Variants in MTUS2 observed in about 807,000 individuals in gnomAD.
The protein encoded by MTUS2 is microtubule-associated tumor suppressor candidate 2.
In MTUS2, 40 loss-of-function variants were observed where a neutral mutation model predicts 114.1. That is an observed-to-expected ratio of 0.35 (90% CI 0.27 to 0.46). The LOEUF (loss-of-function observed/expected upper bound fraction) is 0.46, where lower values mean the gene tolerates loss of function less well. Ranked by LOEUF, MTUS2 falls within the 20% of genes least tolerant of loss-of-function variation. The pLI is 1.00. For synonymous variants in MTUS2, 688 were observed against 672.0 expected, an observed-to-expected ratio of 1.02 and a Z score of -0.37; for missense variants, 1,679 against 1,705.4, an observed-to-expected ratio of 0.98 and a Z score of 0.27.
chr13:29,147,798 C>T (rs375595755), intron 5 of MTUS2, among the ~76,000 whole-genome samples: 8 of 152,268 alleles, frequency 5.3e-5, no homozygotes, highest in Non-Finnish European at 7.4e-5. Flanking sequence ...CATAGTACTC[C>T]GTGGAGAATA....
chr13:29,160,589 C>T (rs1893052075), intron 5 of MTUS2, among the ~76,000 whole-genome samples: 3 of 151,948 alleles, frequency 2.0e-5, no homozygotes, highest in African/African-American at 7.3e-5. Context: ...GCTAACATGG[C>T]AAAACCCTGT....
chr13:29,216,561 A>G (rs1895690262), intron 5 of MTUS2, among the ~76,000 whole-genome samples: 1 of 152,196 alleles, frequency 6.6e-6, no homozygotes, highest in African/African-American at 2.4e-5. Flanking sequence ...GGAAAAGGAT[A>G]GTATCTGGGC....
At chr13:29,114,614 TG>T (rs1891011576) in intron 5 of MTUS2, among the ~76,000 whole-genome samples, 1 of 152,014 alleles carries the variant, frequency 6.6e-6, no homozygotes, top group Non-Finnish European at 1.5e-5. Flanking sequence ...GGAAGGGAAG[TG>T]AGGGGCTTGA....
intron 5 of MTUS2, among the ~76,000 whole-genome samples, chr13:29,224,786 T>TC (rs60971455): frequency 0.54 from 82,381 of 151,902 alleles, 22,639 homozygotes; most frequent in Non-Finnish European, 0.56. Context: ...TTTCTCTTTT[T>TC]CCCACAATAT....
At chr13:28,940,141 A>G (rs765568549) in intron 2 of MTUS2, among the ~76,000 whole-genome samples, 1 of 152,188 alleles carries the variant, frequency 6.6e-6, no homozygotes, top group Non-Finnish European at 1.5e-5. Context: ...ATAAGCCAAA[A>G]TAACACAGAA....
chr13:29,443,139 T>G (rs953429858), intron 9 of MTUS2, among the ~76,000 whole-genome samples: 1 of 152,164 alleles, frequency 6.6e-6, no homozygotes, highest in Non-Finnish European at 1.5e-5. Flanking sequence ...TTCCCCTTCA[T>G]AAAATGGAAA....
intron 5 of MTUS2, among the ~76,000 whole-genome samples, chr13:29,158,358 C>CCTTTT: frequency 6.2e-5 from 2 of 32,048 alleles, no homozygotes; most frequent in Non-Finnish European, 1.0e-4. Flanking sequence ...GTCCACCCCG[C>CCTTTT]TTTTTTTTTT....
At chr13:29,410,386 C>T (rs922073311) in intron 8 of MTUS2, among the ~76,000 whole-genome samples, 5 of 152,186 alleles carry the variant, frequency 3.3e-5, no homozygotes, top group African/African-American at 1.2e-4. Flanking sequence ...CTCGGCCTCC[C>T]AAAGTGCTGG....
intron 5 of MTUS2, among the ~76,000 whole-genome samples, chr13:29,236,953 A>G (rs1234916224): frequency 1.3e-5 from 2 of 152,216 alleles, no homozygotes; most frequent in African/African-American, 4.8e-5. Context: ...ACAGGAAAAT[A>G]AACACAGAGA....
intron 3 of MTUS2, among the ~76,000 whole-genome samples, chr13:29,031,278 TTCACA>T (rs1314204787): frequency 1.5e-4 from 20 of 136,686 alleles, no homozygotes; most frequent in Admixed American, 4.6e-4. Context: ...GTGGTGTGTG[TTCACA>T]GGTCTATATT....
chr13:29,126,718 G>A (rs1252639754), intron 5 of MTUS2, among the ~76,000 whole-genome samples: 9 of 151,932 alleles, frequency 5.9e-5, no homozygotes, highest in Admixed American at 5.2e-4. Context: ...TGTGGCCCAG[G>A]GAAGCTACAT....
At chr13:29,002,602 C>T (rs1885432901) in intron 2 of MTUS2, among the ~76,000 whole-genome samples, 1 of 152,114 alleles carries the variant, frequency 6.6e-6, no homozygotes, top group African/African-American at 2.4e-5. Context: ...GATGCAAGGG[C>T]TTTCATACAG....
chr13:28,891,601 T>G (rs565420845), intron 2 of MTUS2, among the ~76,000 whole-genome samples: 1 of 152,108 alleles, frequency 6.6e-6, no homozygotes, highest in Admixed American at 6.5e-5. Flanking sequence ...AACAACAGGC[T>G]GGGCACGGTG....
intron 5 of MTUS2, among the ~76,000 whole-genome samples, chr13:29,218,087 A>G (rs895512269): frequency 6.6e-6 from 1 of 152,110 alleles, no homozygotes; most frequent in Admixed American, 6.6e-5. Context: ...GTCATACTCC[A>G]GCCTGAACAA....
intron 8 of MTUS2, among the ~76,000 whole-genome samples, chr13:29,414,908 C>A (rs1282608674): frequency 6.7e-6 from 1 of 149,986 alleles, no homozygotes; most frequent in Non-Finnish European, 1.5e-5. Flanking sequence ...TTATATTTTA[C>A]TTATGAAAGT....
chr13:29,344,770 C>T (rs1868504101), intron 7 of MTUS2, among the ~76,000 whole-genome samples: 2 of 152,026 alleles, frequency 1.3e-5, no homozygotes, highest in South Asian at 4.1e-4. Context: ...GAGATTTATG[C>T]TTTAAGGTGG....
intron 2 of MTUS2, among the ~76,000 whole-genome samples, chr13:28,891,621 T>TTTA (rs1167367590): frequency 6.6e-6 from 1 of 152,016 alleles, no homozygotes; most frequent in Non-Finnish European, 1.5e-5. Context: ...GGCTCATGCC[T>TTTA]GTAATCCCAG....
intron 7 of MTUS2, among the ~76,000 whole-genome samples, chr13:29,337,793 G>GTTTT (rs567260002): frequency 0.19 from 24,581 of 132,158 alleles, 2,362 homozygotes; most frequent in Non-Finnish European, 0.22. Flanking sequence ...GTTTGTTTTG[G>GTTTT]TTTTTTTTTT....
At chr13:29,367,891 C>G (rs934945518) in intron 8 of MTUS2, among the ~76,000 whole-genome samples, 2 of 151,712 alleles carry the variant, frequency 1.3e-5, no homozygotes, top group East Asian at 1.9e-4. Flanking sequence ...AAAAATAAAG[C>G]AATGCCAAGG....
Sources: allele counts gnomAD v4.1 joint callset (sites outside exome capture counted in the v4.1 genomes callset), GRCh38; gene constraint gnomAD v4.1.1; transcripts MANE v1.5; gene names NCBI Gene and HGNC (gene_info 2026-07-23, HGNC 2026-07-21).